Variants in SH3BGRL2 observed in about 807,000 individuals in gnomAD.
The protein encoded by SH3BGRL2 is SH3 domain-binding glutamic acid-rich-like protein 2.
In SH3BGRL2, 21 loss-of-function variants were observed where a neutral mutation model predicts 14.8. The ratio of observed to expected loss-of-function variants is 1.42; its 90% CI spans 1.01 to 2.05. The LOEUF is 2.05. Ranked by LOEUF, SH3BGRL2 falls within the 30% of genes most tolerant of loss-of-function variation. The pLI is 0.00. For synonymous variants in SH3BGRL2, 50 were observed against 47.8 expected (o/e 1.05, Z -0.19); for missense variants, 147 against 130.8 (o/e 1.12, Z -0.61).
chr6:79,656,583 A>G (rs1769423532), intron 1 of SH3BGRL2, among the ~76,000 whole-genome samples: 1 of 152,218 alleles, frequency 6.6e-6, no homozygotes, highest in Non-Finnish European at 1.5e-5. Context: ...TCAACCATCC[A>G]TGGATGAAAA....
chr6:79,546,200 A>G, the SH3BGRL2 span, among the ~76,000 whole-genome samples: 2 of 152,158 alleles, frequency 1.3e-5, no homozygotes, highest in African/African-American at 4.8e-5. Context: ...TACCCAAGAT[A>G]TTGAGGAAAA....
chr6:79,552,563 T>C, the SH3BGRL2 span, among the ~76,000 whole-genome samples: 2 of 152,154 alleles, frequency 1.3e-5, no homozygotes, highest in African/African-American at 4.8e-5. Context: ...AGGGAGGGTA[T>C]AATGAGGTGT....
At chr6:79,603,295 G>C in the SH3BGRL2 span, among the ~76,000 whole-genome samples, 2 of 152,102 alleles carry the variant, frequency 1.3e-5, no homozygotes, top group South Asian at 4.1e-4. Context: ...TTCCCTTGAG[G>C]GCATCAAGAA....
chr6:79,699,296 A>G (rs1770400091), intron 3 of SH3BGRL2, among the ~76,000 whole-genome samples: 1 of 152,008 alleles, frequency 6.6e-6, no homozygotes, highest in Admixed American at 6.5e-5. Flanking sequence ...TATATTTGGC[A>G]GGTCGGGTGG....
the SH3BGRL2 span, among the ~76,000 whole-genome samples, chr6:79,587,272 A>G: frequency 6.6e-6 from 1 of 152,198 alleles, no homozygotes; most frequent in Non-Finnish European, 1.5e-5. Context: ...ATATTTAGAA[A>G]AAAAGATAAT....
At chr6:79,695,499 C>T (rs78851385) in intron 2 of SH3BGRL2, among the ~76,000 whole-genome samples, 2,786 of 152,308 alleles carry the variant, frequency 0.018, 75 homozygotes, top group African/African-American at 0.062. Flanking sequence ...CTCCAGCACA[C>T]GTGGTGCCCC....
chr6:79,539,157 T>A, the SH3BGRL2 span, among the ~76,000 whole-genome samples: 1 of 152,178 alleles, frequency 6.6e-6, no homozygotes, highest in Non-Finnish European at 1.5e-5. Flanking sequence ...CAGTTTGACC[T>A]TGAAAAAAGA....
At chr6:79,588,510 C>T in the SH3BGRL2 span, among the ~76,000 whole-genome samples, 8 of 152,080 alleles carry the variant, frequency 5.3e-5, no homozygotes, top group Admixed American at 6.5e-5. Context: ...GAAGTAGAAG[C>T]GGGAAGGTCA....
intron 1 of SH3BGRL2, among the ~76,000 whole-genome samples, chr6:79,650,012 C>CACACAT (rs1288243825): frequency 6.6e-6 from 1 of 151,828 alleles, no homozygotes; most frequent in Non-Finnish European, 1.5e-5. Flanking sequence ...CACACACACA[C>CACACAT]ACACAGTTAC....
chr6:79,679,156 G>A (rs1287921390), intron 2 of SH3BGRL2, among the ~76,000 whole-genome samples: 2 of 152,142 alleles, frequency 1.3e-5, no homozygotes, highest in Non-Finnish European at 2.9e-5. Flanking sequence ...TTGCTGGGTT[G>A]AAAGATACCT....
At chr6:79,579,832 C>T in the SH3BGRL2 span, among the ~76,000 whole-genome samples, 1 of 152,054 alleles carries the variant, frequency 6.6e-6, no homozygotes, top group Non-Finnish European at 1.5e-5. Flanking sequence ...GCTAAATGCC[C>T]CAATTAAAAG....
intron 2 of SH3BGRL2, among the ~76,000 whole-genome samples, chr6:79,677,632 G>A (rs1282615565): frequency 1.3e-5 from 2 of 152,164 alleles, no homozygotes; most frequent in East Asian, 3.9e-4. Context: ...CCCAGACAGG[G>A]AAATTCCTTC....
chr6:79,654,893 C>T (rs917579184), intron 1 of SH3BGRL2, among the ~76,000 whole-genome samples: 5 of 152,168 alleles, frequency 3.3e-5, no homozygotes, highest in Non-Finnish European at 7.3e-5. Context: ...TCTGAGAACA[C>T]TGTGGCAGTT....
chr6:79,647,092 T>A (rs75067213), intron 1 of SH3BGRL2, among the ~76,000 whole-genome samples: 1,978 of 152,316 alleles, frequency 0.013, 21 homozygotes, highest in Non-Finnish European at 0.022. Context: ...TAATGCTGTA[T>A]TTTGTGTTTT....
intron 2 of SH3BGRL2, among the ~76,000 whole-genome samples, chr6:79,689,799 T>C (rs1476951828): frequency 1.3e-5 from 2 of 152,208 alleles, no homozygotes; most frequent in African/African-American, 4.8e-5. Context: ...AAACATTAAG[T>C]CTCATTGTAC....
chr6:79,658,338 T>C (rs1469586044), intron 1 of SH3BGRL2, among the ~76,000 whole-genome samples: 1 of 152,196 alleles, frequency 6.6e-6, no homozygotes, highest in Non-Finnish European at 1.5e-5. Flanking sequence ...TTCCCTGCCC[T>C]GTGTCCAAGT....
the SH3BGRL2 span, among the ~76,000 whole-genome samples, chr6:79,557,713 A>G: frequency 1.3e-5 from 2 of 152,240 alleles, no homozygotes; most frequent in East Asian, 3.8e-4. Flanking sequence ...TTGTTAGGAT[A>G]TAACCTTGCC....
intron 3 of SH3BGRL2, among the ~76,000 whole-genome samples, chr6:79,698,264 C>T (rs570048045): frequency 6.6e-6 from 1 of 152,302 alleles, no homozygotes; most frequent in Non-Finnish European, 1.5e-5. Flanking sequence ...GTAACTCATA[C>T]TTCATCGTCG....
chr6:79,590,424 G>GAGATATATATATATAT, the SH3BGRL2 span, among the ~76,000 whole-genome samples: 13 of 66,682 alleles, frequency 1.9e-4, no homozygotes, highest in African/African-American at 8.4e-4. Context: ...AAGAAAATGT[G>GAGATATATATATATAT]ATATATATAT....
Sources: allele counts gnomAD v4.1 joint callset (sites outside exome capture counted in the v4.1 genomes callset), GRCh38; gene constraint gnomAD v4.1.1; transcripts MANE v1.5; gene names NCBI Gene and HGNC (gene_info 2026-07-23, HGNC 2026-07-21).